PRKCA: variants seen among roughly 807,000 people sequenced by gnomAD.
PRKCA encodes protein kinase C alpha type.
Under a neutral mutation model 87.0 loss-of-function variants are expected in PRKCA, and 27 were observed. The ratio of observed to expected loss-of-function variants is 0.31; its 90% confidence interval spans 0.23 to 0.43. The LOEUF is 0.43. Among genes scored for constraint, PRKCA ranks in the 20% least tolerant of loss-of-function variants. PRKCA has a pLI of 1.00. For synonymous variants in PRKCA, 329 were observed against 311.1 expected, an observed-to-expected ratio of 1.06 and a Z score of -0.61; for missense variants, 518 against 852.3, an observed-to-expected ratio of 0.61 and a Z score of 4.88.
chr17:66,359,774 C>T lies in PRKCA; in HGVS notation c.205+53647C>T, dbSNP rs114041808. Among the ~76,000 whole-genome samples, 390 of 152,210 alleles carry T rather than the reference C, an allele frequency of 2.6e-3. 1 individual carries two copies. The highest frequency in any genetic ancestry group is 7.9e-3 in the African/African-American group (329 of 41,522). ...GCTTTTAGGCTTCTCTCAAGTATGT[C>T]GGGAACAGAAAAGGATTATAGAAAT... On this transcript the variant is annotated intron_variant, in intron 2 of 16. Transcript: ENST00000413366.
chr17:66,437,886 A>C (rs547049861), intron 2 of PRKCA, among the ~76,000 whole-genome samples: 34 of 151,960 alleles, frequency 2.2e-4, no homozygotes, highest in Admixed American at 9.2e-4. Flanking sequence ...GAACTCACTT[A>C]TGTCTATAAA....
chr17:66,528,034 C>T (rs556320283), intron 3 of PRKCA, among the ~76,000 whole-genome samples: 70 of 151,964 alleles, frequency 4.6e-4, no homozygotes, highest in African/African-American at 1.4e-3. Flanking sequence ...GGTGAGACCC[C>T]GTCTCTACTA....
chr17:66,357,201 G>A (rs144937374), intron 2 of PRKCA, among the ~76,000 whole-genome samples: 41 of 152,272 alleles, frequency 2.7e-4, no homozygotes, highest in African/African-American at 8.2e-4. Flanking sequence ...CTGAGTCATG[G>A]GTATAGGAAC....
intron 3 of PRKCA, among the ~76,000 whole-genome samples, chr17:66,626,573 T>C (rs1409245173): frequency 2.6e-5 from 4 of 151,264 alleles, no homozygotes; most frequent in Non-Finnish European, 5.9e-5. Flanking sequence ...GGTTTCACCA[T>C]GTTAGCCAGG....
At chr17:66,711,619 C>T (rs1249785598) in intron 8 of PRKCA, among the ~76,000 whole-genome samples, 2 of 152,094 alleles carry the variant, frequency 1.3e-5, no homozygotes, top group East Asian at 3.9e-4. Context: ...TGCCTGTGTT[C>T]GTAATTAAAA....
chr17:66,514,839 C>A (rs532035084), intron 3 of PRKCA, among the ~76,000 whole-genome samples: 1 of 152,272 alleles, frequency 6.6e-6, no homozygotes, highest in South Asian at 2.1e-4. Flanking sequence ...TTGGCCAGAA[C>A]CATATCATGT....
chr17:66,569,193 A>AAAC (rs1968989624), intron 3 of PRKCA, among the ~76,000 whole-genome samples: 1 of 152,206 alleles, frequency 6.6e-6, no homozygotes, highest in African/African-American at 2.4e-5. Context: ...TTGTTAATTG[A>AAAC]AACATCAAAG....
intron 2 of PRKCA, among the ~76,000 whole-genome samples, chr17:66,347,715 C>T (rs558182698): frequency 5.1e-4 from 77 of 152,232 alleles, no homozygotes; most frequent in Non-Finnish European, 8.8e-4. Context: ...GTCAAGCTGA[C>T]GGTAGATGCA....
intron 3 of PRKCA, among the ~76,000 whole-genome samples, chr17:66,524,845 G>A (rs1319734260): frequency 1.3e-5 from 2 of 152,156 alleles, no homozygotes; most frequent in African/African-American, 4.8e-5. Flanking sequence ...TTCCCTGCAA[G>A]GAGACTAAAT....
intron 14 of PRKCA, among the ~76,000 whole-genome samples, chr17:66,782,618 G>A (rs1975268532): frequency 1.3e-5 from 2 of 152,160 alleles, no homozygotes. Context: ...AAACATCTCA[G>A]GCCCCCAGGG....
chr17:66,577,107 C>T (rs759145431), intron 3 of PRKCA, among the ~76,000 whole-genome samples: 6 of 152,036 alleles, frequency 3.9e-5, no homozygotes, highest in Non-Finnish European at 8.8e-5. Flanking sequence ...TGGGCTGAAG[C>T]GATCTGCCTG....
chr17:66,403,640 T>C (rs1911169388), intron 2 of PRKCA: 2 of 152,216 alleles, frequency 1.3e-5, no homozygotes, highest in Admixed American at 1.3e-4. Context: ...AGGGCAAATG[T>C]TGATGTAGGG....
intron 2 of PRKCA, among the ~76,000 whole-genome samples, chr17:66,402,587 G>T (rs998410790): frequency 5.3e-5 from 8 of 152,100 alleles, no homozygotes; most frequent in Non-Finnish European, 7.4e-5. Flanking sequence ...CAAGTCTGAG[G>T]TGTTGGGACA....
chr17:66,511,296 G>A (rs193229611), intron 3 of PRKCA, among the ~76,000 whole-genome samples: 2 of 152,268 alleles, frequency 1.3e-5, no homozygotes, highest in Admixed American at 6.5e-5. Flanking sequence ...TATTAAGCTT[G>A]TATTATGACT....
chr17:66,752,342 C>T (rs1974452562), intron 13 of PRKCA, among the ~76,000 whole-genome samples: 1 of 152,198 alleles, frequency 6.6e-6, no homozygotes. Flanking sequence ...CACGCGTAAT[C>T]CCAGCACTTT....
At chr17:66,747,655 TG>T (rs1027866359) in intron 13 of PRKCA, among the ~76,000 whole-genome samples, 2 of 152,200 alleles carry the variant, frequency 1.3e-5, no homozygotes, top group African/African-American at 4.8e-5. Context: ...TCCATAGATA[TG>T]GGAGAAAAAG....
intron 13 of PRKCA, among the ~76,000 whole-genome samples, chr17:66,758,119 AC>A (rs968724640): frequency 5.3e-5 from 8 of 152,226 alleles, no homozygotes; most frequent in African/African-American, 1.9e-4. Flanking sequence ...TGCTGCCACC[AC>A]CCATAGCCCC....
At chr17:66,757,029 A>T (rs1974564277) in intron 13 of PRKCA, among the ~76,000 whole-genome samples, 1 of 152,190 alleles carries the variant, frequency 6.6e-6, no homozygotes, top group African/African-American at 2.4e-5. Context: ...AGTAGACAGC[A>T]TGCAAGAACA....
At chr17:66,606,258 C>T (rs550646460) in intron 3 of PRKCA, among the ~76,000 whole-genome samples, 4 of 152,082 alleles carry the variant, frequency 2.6e-5, no homozygotes, top group African/African-American at 4.8e-5. Flanking sequence ...TGTGGTGGCA[C>T]GTGCCTGTAA....
Sources: gnomAD v4.1 joint callset for allele counts (sites outside exome capture counted in the v4.1 genomes callset) on GRCh38, gnomAD v4.1.1 for gene constraint, MANE v1.5 for transcripts, NCBI Gene and HGNC (gene_info 2026-07-23, HGNC 2026-07-21) for gene names.